Variants in ELAVL4 observed in about 807,000 individuals in gnomAD.
ELAVL4 encodes ELAV like RNA binding protein 4, also known as ELAV-like protein 4.
Under a neutral mutation model 35.6 loss-of-function variants are expected in ELAVL4, and 1 was observed. The observed-to-expected ratio is 0.03, with a 90% confidence interval of 0.01 to 0.13. ELAVL4 has a LOEUF of 0.13. Among genes scored for constraint, ELAVL4 ranks in the 10% least tolerant of loss-of-function variants. The pLI, the probability that ELAVL4 is intolerant of heterozygous loss-of-function variation, is 1.00. For synonymous variants in ELAVL4, 156 were observed against 171.0 expected (o/e 0.91, Z 0.69); for missense variants, 267 against 464.9 (o/e 0.57, Z 3.91).
intron 1 of ELAVL4, among the ~76,000 whole-genome samples, chr1:50,060,082 G>T (rs556257126): frequency 6.6e-6 from 1 of 152,206 alleles, no homozygotes; most frequent in African/African-American, 2.4e-5. Flanking sequence ...AAAATGGTTA[G>T]TTTTGTTTTA....
chr1:50,071,400 T>G (rs1051743185), intron 1 of ELAVL4, among the ~76,000 whole-genome samples: 4 of 152,186 alleles, frequency 2.6e-5, no homozygotes, highest in African/African-American at 7.2e-5. Flanking sequence ...AATTTCAGCT[T>G]TGTAACAACT....
At chr1:50,061,349 CCT>C (rs1663959680) in intron 1 of ELAVL4, among the ~76,000 whole-genome samples, 1 of 152,162 alleles carries the variant, frequency 6.6e-6, no homozygotes, top group African/African-American at 2.4e-5. Flanking sequence ...GGCCTCCTTT[CCT>C]CTTTTTTAGG....
chr1:50,168,158 T>C (rs187196406), intron 2 of ELAVL4, among the ~76,000 whole-genome samples: 74 of 152,242 alleles, frequency 4.9e-4, no homozygotes, highest in Middle Eastern at 3.4e-3. Context: ...AACCAGGCCC[T>C]AGTTTTCTCT....
intron 1 of ELAVL4, among the ~76,000 whole-genome samples, chr1:50,068,863 T>C (rs1664386170): frequency 6.6e-6 from 1 of 152,216 alleles, no homozygotes; most frequent in South Asian, 2.1e-4. Context: ...AACGCTTTAC[T>C]TAATAGACAG....
At position 50,179,823 on chromosome 1, in the gene ELAVL4, T is replaced by G. The variant is rs190685441; in HGVS notation, c.354+2631T>G. On this transcript the variant is annotated intron_variant, in intron 3 of 6. Transcript: ENST00000371824. ...GCAAATCAATAGTTAATTCCAAAGC[T>G]GTGAAGGTTAATGATTAACAGCTGG... is the stretch of plus-strand genomic sequence containing the variant. The G allele has an allele frequency of 3.9e-5, 6 of 152,312 alleles. No individual in the cohort carries two copies. In the East Asian group the frequency reaches 1.2e-3, roughly 29 times the overall value. The allele number at this position is 152,312 out of a possible 1,614,324, so 9.4% of individuals were successfully genotyped here.
intron 1 of ELAVL4, among the ~76,000 whole-genome samples, chr1:50,122,087 G>A (rs1205899951): frequency 6.6e-6 from 1 of 152,014 alleles, no homozygotes; most frequent in African/African-American, 2.4e-5. Context: ...GCTAACTGAG[G>A]TTTTGGTGGG....
intron 2 of ELAVL4, among the ~76,000 whole-genome samples, chr1:50,165,624 G>A (rs1677678297): frequency 6.8e-6 from 1 of 146,484 alleles, no homozygotes; most frequent in African/African-American, 2.5e-5. Context: ...ACATATATAT[G>A]CATAAATATA....
intron 1 of ELAVL4, among the ~76,000 whole-genome samples, chr1:50,135,418 G>T (rs1254445482): frequency 2.6e-5 from 4 of 152,086 alleles, no homozygotes; most frequent in Non-Finnish European, 5.9e-5. Flanking sequence ...TGAGGAGGGG[G>T]TGTCATTTGA....
chr1:50,124,589 T>C (rs1669572123), intron 1 of ELAVL4, among the ~76,000 whole-genome samples: 1 of 152,090 alleles, frequency 6.6e-6, no homozygotes. Flanking sequence ...CCTTAAAAGG[T>C]AGGAATTAAT....
intron 1 of ELAVL4, among the ~76,000 whole-genome samples, chr1:50,091,110 A>G (rs1299985526): frequency 6.6e-6 from 1 of 152,186 alleles, no homozygotes; most frequent in Non-Finnish European, 1.5e-5. Flanking sequence ...GAGCTGAATT[A>G]CCCATCTGAA....
chr1:50,056,245 C>T (rs1237792364), intron 1 of ELAVL4, among the ~76,000 whole-genome samples: 1 of 152,060 alleles, frequency 6.6e-6, no homozygotes, highest in Non-Finnish European at 1.5e-5. Context: ...TAAGTCACAC[C>T]CCAAGTTTGT....
In ELAVL4 at chr1:50,057,759, T is replaced by C. The variant is rs1296245450; in HGVS notation, c.18+9577T>C. Among the ~76,000 whole-genome samples, 8 of 152,192 alleles carry C rather than the reference T, an allele frequency of 5.3e-5. No homozygotes were observed. The East Asian group carries it at 1.3e-3, about 26-fold the overall frequency. ...AGTGCATTCTGTGATGTTTGCATGA[T>C]GACAAAATTGCCTGACGTATTTCTC... On this transcript the variant is annotated intron_variant, in intron 1 of 6. Coordinates refer to the ELAVL4 transcript ENST00000448907.
chr1:50,074,118 T>C (rs1161783921), intron 1 of ELAVL4, among the ~76,000 whole-genome samples: 1 of 152,198 alleles, frequency 6.6e-6, no homozygotes, highest in African/African-American at 2.4e-5. Flanking sequence ...TGTGCTGGCC[T>C]GGCTGGCTGG....
At chr1:50,139,764 T>C (rs1672507094) in intron 1 of ELAVL4, among the ~76,000 whole-genome samples, 1 of 152,104 alleles carries the variant, frequency 6.6e-6, no homozygotes, top group African/African-American at 2.4e-5. Flanking sequence ...CTCTGCTCCT[T>C]ACCTCCCCTC....
chr1:50,180,354 G>T lies in ELAVL4; in HGVS notation c.354+3162G>T, dbSNP rs558793985. On this transcript the variant is annotated intron_variant, in intron 3 of 6. Transcript: ENST00000371824. ...GATTTCAAGTTTTTGGATTAAGGAT[G>T]TTGAATCAGTATAATGCAAATATTC... 4 of 152,284 alleles carry T rather than the reference G, an allele frequency of 2.6e-5. No individual in the cohort carries two copies. The South Asian group carries it at 8.3e-4, about 32-fold the overall frequency. 9.4% of individuals were successfully genotyped at this position (152,284 alleles called of 1,614,324 possible). A position where few individuals can be genotyped will look rare whatever the true frequency, so the allele number is the denominator to read the frequency against.
chr1:50,048,372 G>A (rs891701095), intron 1 of ELAVL4, among the ~76,000 whole-genome samples: 4 of 152,126 alleles, frequency 2.6e-5, no homozygotes, highest in Non-Finnish European at 5.9e-5. Context: ...AGGGCTCCTG[G>A]CGACCCCACC....
At chr1:50,175,383 CACGT>C (rs1380336689) in intron 2 of ELAVL4, 3 of 105,244 alleles carry the variant, frequency 2.9e-5, no homozygotes, top group Non-Finnish European at 6.4e-5. Context: ...GCCCCCACCA[CACGT>C]ACACACACAC....
chr1:50,150,086 C>T (rs1674513752), intron 2 of ELAVL4, among the ~76,000 whole-genome samples: 1 of 152,112 alleles, frequency 6.6e-6, no homozygotes, highest in Admixed American at 6.5e-5. Flanking sequence ...AGAACAAAAG[C>T]ATTTTTTATT....
Position 50,092,631 on chromosome 1 carries a change from C to T in ELAVL4, c.18+44449C>T, listed in dbSNP as rs148460979. On this transcript the variant is annotated intron_variant, in intron 1 of 6. Coordinates refer to the ELAVL4 transcript ENST00000448907. ...TTCTGCCCATGTTTTCATCATTAGGCGTGGGCTCCCTAGTCTGACTGTAAA... is the reference window on the plus strand; with the variant it reads ...TTCTGCCCATGTTTTCATCATTAGGTGTGGGCTCCCTAGTCTGACTGTAAA... Among the ~76,000 whole-genome samples the T allele has an allele frequency of 1.7e-3, 257 of 152,242 alleles. 3 individuals carry two copies. In the South Asian group the frequency reaches 0.021, roughly 13 times the overall value.
Sources: gnomAD v4.1 joint callset for allele counts (sites outside exome capture counted in the v4.1 genomes callset) on GRCh38, gnomAD v4.1.1 for gene constraint, MANE v1.5 for transcripts, NCBI Gene and HGNC (gene_info 2026-07-23, HGNC 2026-07-21) for gene names.